The following DUSP22 variants were observed in gnomAD, a reference collection of about 807,000 sequenced individuals.
DUSP22 encodes dual specificity protein phosphatase 22.
In DUSP22, 24 loss-of-function variants were observed where a neutral mutation model predicts 24.5. That is an observed-to-expected ratio of 0.98 (90% CI 0.71 to 1.38). The LOEUF is 1.38. Ranked by LOEUF, DUSP22 falls within the 40% of genes most tolerant of loss-of-function variation. DUSP22 has a pLI of 0.00. For synonymous variants in DUSP22, 160 were observed against 106.4 expected (o/e 1.50, Z -3.10); for missense variants, 330 against 269.2 (o/e 1.23, Z -1.58).
chr6:309,674 T>C (rs1757976150), intron 2 of DUSP22, among the ~76,000 whole-genome samples: 1 of 148,826 alleles, frequency 6.7e-6, no homozygotes, highest in African/African-American at 2.5e-5. Context: ...GAGCCACTCA[T>C]GTAGAACACA....
chr6:329,469 T>C (rs1266782991), intron 3 of DUSP22, among the ~76,000 whole-genome samples: 1 of 152,302 alleles, frequency 6.6e-6, no homozygotes, highest in African/African-American at 2.4e-5. Context: ...CTTTGCTTTT[T>C]TTTGAGACAG....
chr6:296,408 G>A (rs928327485), intron 1 of DUSP22, among the ~76,000 whole-genome samples: 1 of 152,304 alleles, frequency 6.6e-6, no homozygotes, highest in African/African-American at 2.4e-5. Flanking sequence ...GAGTAGCAGA[G>A]CCTGGACTCA....
chr6:295,113 G>A (rs1465106408), intron 1 of DUSP22, among the ~76,000 whole-genome samples: 1 of 152,296 alleles, frequency 6.6e-6, no homozygotes, highest in African/African-American at 2.4e-5. Flanking sequence ...TGCAGAATCA[G>A]CGGAAGGTGC....
chr6:328,492 A>C (rs1258816772), intron 3 of DUSP22, among the ~76,000 whole-genome samples: 2 of 152,310 alleles, frequency 1.3e-5, no homozygotes, highest in Non-Finnish European at 2.9e-5. Context: ...ACCTGAAAGA[A>C]GTCACAGGTG....
chr6:312,948 T>A (rs1310727074), intron 3 of DUSP22, among the ~76,000 whole-genome samples: 2 of 152,136 alleles, frequency 1.3e-5, no homozygotes, highest in Non-Finnish European at 2.9e-5. Flanking sequence ...CCTACTTCCT[T>A]GTATTGTTTA....
chr6:293,440 C>T (rs930038526), intron 1 of DUSP22, among the ~76,000 whole-genome samples: 1 of 152,290 alleles, frequency 6.6e-6, no homozygotes, highest in Admixed American at 6.5e-5. Context: ...AAGACAAGTA[C>T]CTTTTTACGG....
intron 6 of DUSP22, 132 bp downstream of exon 6, chr6:348,406 G>T: frequency 7.0e-7 from 1 of 1,423,650 alleles, no homozygotes; most frequent in East Asian, 2.4e-5. Flanking sequence ...CTCCCAGGGC[G>T]CCCAGCTGCA....
At chr6:342,457 A>G (rs527701303) in intron 4 of DUSP22, among the ~76,000 whole-genome samples, 2 of 152,426 alleles carry the variant, frequency 1.3e-5, no homozygotes, top group African/African-American at 2.4e-5. Context: ...CAGCCTGTGC[A>G]CTGGCCTGTC....
At chr6:303,423 T>C (rs1757673948) in intron 1 of DUSP22, among the ~76,000 whole-genome samples, 1 of 152,306 alleles carries the variant, frequency 6.6e-6, no homozygotes, top group African/African-American at 2.4e-5. Flanking sequence ...TGAGCCACAA[T>C]AGATCCCCTG....
Position 317,760 on chromosome 6 carries a change from C to T in DUSP22, c.138+5798C>T, listed in dbSNP as rs1350034004. ...TGGGGTTTCTCTGGTCCTTGCAGCA[C>T]TCGGCTTGGATCCAGCACGCAGGGG... On this transcript the variant is annotated intron_variant, in intron 3 of 6. Transcript: ENST00000419235. Among the ~76,000 whole-genome samples the T allele has an allele frequency of 3.3e-5, 5 of 152,302 alleles. No individual in the cohort carries two copies. The East Asian group carries it at 9.6e-4, about 29-fold the overall frequency.
In DUSP22 at chr6:349,162, C is replaced by A; in HGVS notation, c.*211C>A. On this transcript the variant is annotated 3_prime_UTR_variant, in exon 7 of 7. Coordinates refer to ENST00000419235, the MANE Select transcript of DUSP22 (RefSeq NM_001286555.3). ...ACCCTGGCTGCACCTGAGCTTGCTG[C>A]CCCTGGGGATGTTGCCCAGTGGCTG... is the stretch of plus-strand genomic sequence containing the variant. The A allele has an allele frequency of 7.0e-7, 1 of 1,434,020 alleles. No homozygotes were observed. The highest frequency in any genetic ancestry group is 1.5e-5 in the South Asian group (1 of 67,044). The allele number at this position is 1,434,020 out of a possible 1,614,324, so 88.8% of individuals were successfully genotyped here. A position where few individuals can be genotyped will look rare whatever the true frequency, so the allele number is the denominator to read the frequency against.
chr6:332,333 G>A (rs111916282), intron 3 of DUSP22, among the ~76,000 whole-genome samples: 1,122 of 151,942 alleles, frequency 7.4e-3, no homozygotes, highest in African/African-American at 0.026. Context: ...AGCTCCACAC[G>A]CCCACCCCAG....
chr6:339,887 G>T (rs1202997493), intron 4 of DUSP22, among the ~76,000 whole-genome samples: 2 of 152,298 alleles, frequency 1.3e-5, no homozygotes, highest in African/African-American at 4.8e-5. Context: ...ATGAGAGCTA[G>T]TTGGGCCCTT....
intron 3 of DUSP22, among the ~76,000 whole-genome samples, chr6:312,559 T>C (rs1300836137): frequency 6.6e-6 from 1 of 152,304 alleles, no homozygotes; most frequent in Non-Finnish European, 1.5e-5. Context: ...TGGCTAGAGG[T>C]AAAATCTATT....
At chr6:324,426 G>A (rs1758754908) in intron 3 of DUSP22, among the ~76,000 whole-genome samples, 1 of 152,306 alleles carries the variant, frequency 6.6e-6, no homozygotes, top group African/African-American at 2.4e-5. Flanking sequence ...GAGTGCCGCG[G>A]AGCACAGGAA....
chr6:309,315 G>A (rs954017725), intron 2 of DUSP22, among the ~76,000 whole-genome samples: 33 of 152,292 alleles, frequency 2.2e-4, no homozygotes, highest in African/African-American at 4.8e-4. Flanking sequence ...CATGTTCCTC[G>A]TATAAAAAGG....
At chr6:293,472 A>G (rs1408210913) in intron 1 of DUSP22, among the ~76,000 whole-genome samples, 3 of 152,296 alleles carry the variant, frequency 2.0e-5, no homozygotes, top group Non-Finnish European at 4.4e-5. Flanking sequence ...GTCCTGGATT[A>G]GATGAGTCGT....
intron 1 of DUSP22, among the ~76,000 whole-genome samples, chr6:297,864 G>A (rs1451985865): frequency 6.6e-6 from 1 of 152,304 alleles, no homozygotes; most frequent in African/African-American, 2.4e-5. Flanking sequence ...AGGTGACTTG[G>A]CTGCCTGCGT....
At chr6:347,587 T>C (rs570349756) in intron 5 of DUSP22, among the ~76,000 whole-genome samples, 11 of 152,422 alleles carry the variant, frequency 7.2e-5, no homozygotes, top group African/African-American at 2.6e-4. Flanking sequence ...TGCATATTTA[T>C]GTCAGGAAGA....
Sources: allele counts gnomAD v4.1 joint callset (sites outside exome capture counted in the v4.1 genomes callset), GRCh38; gene constraint gnomAD v4.1.1; transcripts MANE v1.5; gene names NCBI Gene and HGNC (gene_info 2026-07-23, HGNC 2026-07-21).